Variants in ABCB5 observed in about 807,000 individuals in gnomAD.
ABCB5 encodes the protein ATP-binding cassette sub-family B member 5.
A neutral mutation model predicts 144.2 loss-of-function variants in ABCB5; 155 were observed. The observed-to-expected ratio is 1.08, with a 90% CI of 0.94 to 1.23. ABCB5 has a LOEUF of 1.23. ABCB5 is among the 50% of genes most tolerant of loss of function. The pLI is 0.00. For synonymous variants in ABCB5, 610 were observed against 528.6 expected (o/e 1.15, Z -2.11); for missense variants, 1,830 against 1,520.8 (o/e 1.20, Z -3.38).
chr7:20,669,028 C>T (rs1304161740), intron 14 of ABCB5, among the ~76,000 whole-genome samples: 7,849 of 112,124 alleles, frequency 0.07, 1 homozygote, highest in Non-Finnish European at 0.09. Flanking sequence ...GTGAGGGGCG[C>T]CTCTGCCCGG....
chr7:20,699,952 T>G, intron 18 of ABCB5, 23 bp downstream of exon 18: 1 of 1,601,116 alleles, frequency 6.2e-7, no homozygotes, highest in Admixed American at 1.7e-5. Flanking sequence ...TAAACAAGCC[T>G]GAGCATGATT....
chr7:20,712,228 C>A (rs1787101334), intron 20 of ABCB5, among the ~76,000 whole-genome samples: 1 of 128,646 alleles, frequency 7.8e-6, no homozygotes, highest in African/African-American at 2.9e-5. Context: ...ATTTTTTCAA[C>A]CAAGAATTTG....
At chr7:20,706,539 C>T (rs958796299) in intron 20 of ABCB5, among the ~76,000 whole-genome samples, 1 of 152,132 alleles carries the variant, frequency 6.6e-6, no homozygotes, top group Non-Finnish European at 1.5e-5. Context: ...ATTATAAGCA[C>T]CTGACTAATA....
chr7:20,651,396 A>G, intron 12 of ABCB5, 24 bp from the exon 13 acceptor site: 1 of 1,613,452 alleles, frequency 6.2e-7, no homozygotes, highest in Non-Finnish European at 8.5e-7. Flanking sequence ...GCATCACAAC[A>G]TGGTTCATTC....
At position 20,685,690 on chromosome 7, in the gene ABCB5, T is replaced by C. The variant is rs745581892; in HGVS notation, c.1870-6T>C. The C allele has an allele frequency of 1.9e-6, 3 of 1,597,248 alleles. No individual in the cohort carries two copies. Among genetic ancestry groups the C allele is most frequent in the East Asian group, 4.5e-5 (2 of 44,726 alleles). On this transcript the variant is annotated splice_region_variant and splice_polypyrimidine_tract_variant and intron_variant, in intron 15 of 27. Transcript: ENST00000404938. ...ATAATGATAACCTATATATTCTTCC[T>C]GTAAGGATATTAAAAAAGCTGATGA...
intron 25 of ABCB5, 47 bp downstream of exon 25, chr7:20,743,121 T>C: frequency 6.3e-7 from 1 of 1,583,482 alleles, no homozygotes; most frequent in South Asian, 1.1e-5. Flanking sequence ...AGCAGTCCTA[T>C]TCTTAAACAT....
intron 23 of ABCB5, among the ~76,000 whole-genome samples, chr7:20,737,103 A>G (rs1782403614): frequency 6.6e-6 from 1 of 151,928 alleles, no homozygotes; most frequent in African/African-American, 2.4e-5. Context: ...GGTTGCAGTG[A>G]GCTGACATCA....
At chr7:20,734,589 A>G (rs913507765) in intron 23 of ABCB5, among the ~76,000 whole-genome samples, 10 of 151,926 alleles carry the variant, frequency 6.6e-5, no homozygotes, top group Admixed American at 5.9e-4. Context: ...TAACAGCAAA[A>G]TTCTTTAATG....
At chr7:20,627,920 C>G (rs1783945162) in intron 3 of ABCB5, among the ~76,000 whole-genome samples, 1 of 152,122 alleles carries the variant, frequency 6.6e-6, no homozygotes, top group East Asian at 1.9e-4. Flanking sequence ...CCAAAATCAA[C>G]CAAATGGAAT....
intron 16 of ABCB5, among the ~76,000 whole-genome samples, chr7:20,688,843 A>T (rs1198160645): frequency 6.6e-6 from 1 of 152,162 alleles, no homozygotes; most frequent in Non-Finnish European, 1.5e-5. Context: ...GCTGGAAACC[A>T]TCTTTCTCAG....
At chr7:20,715,456 G>A (rs1781641829) in intron 20 of ABCB5, among the ~76,000 whole-genome samples, 1 of 152,080 alleles carries the variant, frequency 6.6e-6, no homozygotes, top group African/African-American at 2.4e-5. Context: ...TGTCACCCAA[G>A]TTAGAGTGCA....
At chr7:20,704,932 A>G in intron 20 of ABCB5, 125 bp downstream of exon 20, 1 of 615,218 alleles carries the variant, frequency 1.6e-6, no homozygotes. Context: ...GAGGCCAGGT[A>G]AGTCTCACGG....
chr7:20,638,281 A>G (rs569902037), intron 5 of ABCB5, among the ~76,000 whole-genome samples: 2 of 152,296 alleles, frequency 1.3e-5, no homozygotes, highest in East Asian at 3.9e-4. Context: ...ATTTCTGTTT[A>G]TATTATAGTA....
At chr7:20,713,072 A>G (rs531432433) in intron 20 of ABCB5, among the ~76,000 whole-genome samples, 2 of 149,708 alleles carry the variant, frequency 1.3e-5, no homozygotes, top group African/African-American at 4.9e-5. Context: ...CATCTCCTAG[A>G]AACCATGATT....
intron 20 of ABCB5, among the ~76,000 whole-genome samples, chr7:20,705,758 T>C (rs1786802648): frequency 6.6e-6 from 1 of 152,122 alleles, no homozygotes; most frequent in Admixed American, 6.5e-5. Context: ...GAATTGTATG[T>C]TTCTTTTAGA....
intron 13 of ABCB5, among the ~76,000 whole-genome samples, chr7:20,656,988 A>G (rs1482253834): frequency 7.0e-6 from 1 of 142,864 alleles, no homozygotes; most frequent in East Asian, 2.0e-4. Flanking sequence ...ATCTCAGCTC[A>G]CTGCAGCCTC....
At chr7:20,685,457 G>C (rs996239027) in intron 15 of ABCB5, among the ~76,000 whole-genome samples, 1 of 152,164 alleles carries the variant, frequency 6.6e-6, no homozygotes, top group Admixed American at 6.5e-5. Flanking sequence ...GTTTTCTGCA[G>C]GTGATTATAC....
intron 20 of ABCB5, among the ~76,000 whole-genome samples, chr7:20,718,705 A>C (rs1583448526): frequency 1.3e-5 from 2 of 152,284 alleles, no homozygotes; most frequent in Non-Finnish European, 2.9e-5. Context: ...TTAGGGAAGC[A>C]ATTTGGCAAT....
At chr7:20,618,183 T>C (rs1052592177) in intron 1 of ABCB5, among the ~76,000 whole-genome samples, 1 of 152,206 alleles carries the variant, frequency 6.6e-6, no homozygotes, top group African/African-American at 2.4e-5. Context: ...AGAAACCCTG[T>C]ATCCCTCTCA....
Sources: allele counts gnomAD v4.1 joint callset (sites outside exome capture counted in the v4.1 genomes callset), GRCh38; gene constraint gnomAD v4.1.1; transcripts MANE v1.5; gene names NCBI Gene and HGNC (gene_info 2026-07-23, HGNC 2026-07-21).